The following ACTN4 variants were observed in gnomAD, a reference collection of about 807,000 sequenced individuals.
ACTN4 encodes alpha-actinin-4.
A neutral mutation model predicts 114.2 loss-of-function variants in ACTN4; 18 were observed. That is an observed-to-expected ratio of 0.16 (90% CI 0.11 to 0.23). ACTN4 has a LOEUF of 0.23. Ranked by LOEUF, ACTN4 falls within the 10% of genes least tolerant of loss-of-function variation. The pLI, the probability that ACTN4 is intolerant of heterozygous loss-of-function variation, is 1.00. For missense variants in ACTN4, 722 were observed against 1,262.9 expected (o/e 0.57, Z 6.49); for synonymous variants, 515 against 506.3 (o/e 1.02, Z -0.23).
In ACTN4 at chr19:38,730,289, A is replaced by AGAC. The variant is rs1335929787; in HGVS notation, c.*858_*860dup. 1 of 162,570 alleles carries AGAC rather than the reference A, an allele frequency of 6.2e-6. No individual in the cohort carries two copies. The highest frequency in any genetic ancestry group is 1.8e-4 in the East Asian group (1 of 5,460). 10.1% of individuals were successfully genotyped at this position (162,570 alleles called of 1,614,324 possible). On this transcript the variant is annotated 3_prime_UTR_variant, in exon 21 of 21. Coordinates refer to ENST00000252699, the MANE Select transcript of ACTN4 (RefSeq NM_004924.6). Reference sequence around the variant, plus strand: ...GCCGTCTCTCCTGCTCTCATAATGAAGACATAGCCGATTCTCTGCCCGGGC... The same window carrying AGAC: ...GCCGTCTCTCCTGCTCTCATAATGAAGACGACATAGCCGATTCTCTGCCCGGGC...
At chr19:38,657,289 C>T (rs764383856) in intron 1 of ACTN4, among the ~76,000 whole-genome samples, 17 of 152,014 alleles carry the variant, frequency 1.1e-4, no homozygotes, top group Admixed American at 3.9e-4. Context: ...ATTACAGGCG[C>T]GCGCCACGAC....
intron 17 of ACTN4, 131 bp from the exon 18 acceptor site, chr19:38,726,826 C>A: frequency 1.5e-6 from 2 of 1,351,508 alleles, no homozygotes; most frequent in Non-Finnish European, 2.0e-6. Flanking sequence ...GGCCCGTGTC[C>A]CCTGTGAGGT....
chr19:38,705,911 T>C (rs1968444563), intron 4 of ACTN4, 133 bp from the exon 5 acceptor site: 2 of 834,666 alleles, frequency 2.4e-6, no homozygotes, highest in East Asian at 2.5e-5. Context: ...ACTGCTGCTG[T>C]TGTTAGGACA....
chr19:38,648,020 C>T (rs372441621), intron 1 of ACTN4, 113 bp downstream of exon 1: 2 of 1,250,726 alleles, frequency 1.6e-6, no homozygotes, highest in Non-Finnish European at 2.1e-6. Flanking sequence ...GGGGGGGTCC[C>T]GAGAAGGAAT....
At position 38,720,229 on chromosome 19, in the gene ACTN4, G is replaced by A. The variant is rs1340509586; in HGVS notation, c.1292-1309G>A. Among the ~76,000 whole-genome samples the A allele has an allele frequency of 2.6e-5, 4 of 152,232 alleles. No individual in the cohort carries two copies. In the East Asian group the frequency reaches 7.7e-4, roughly 29 times the overall value. On this transcript the variant is annotated intron_variant, in intron 11 of 20. Coordinates refer to ENST00000252699, the MANE Select transcript of ACTN4 (RefSeq NM_004924.6). ...AGGGTCGTCGTGGATGCTTCTCTGAGGGACTTGATTTCCTGGGAATACGAC... is the reference window on the plus strand; with the variant it reads ...AGGGTCGTCGTGGATGCTTCTCTGAAGGACTTGATTTCCTGGGAATACGAC...
chr19:38,680,212 GTTTTTTTT>G (rs75920199), intron 1 of ACTN4, among the ~76,000 whole-genome samples: 439 of 124,296 alleles, frequency 3.5e-3, no homozygotes, highest in Non-Finnish European at 6.0e-3. Flanking sequence ...AGCTCAGGAA[GTTTTTTTT>G]TTTTTTTTTT....
rs537081617 is a variant in ACTN4, at chr19:38,729,624, G to A, written c.*192G>A. ...TGTGGGTTGGCCAGGAGGTTCCCCCGACCAGGTTGGGGAGACTTGGGGCCA... is the reference window on the plus strand; with the variant it reads ...TGTGGGTTGGCCAGGAGGTTCCCCCAACCAGGTTGGGGAGACTTGGGGCCA... On this transcript the variant is annotated 3_prime_UTR_variant, in exon 21 of 21. Transcript: ENST00000252699. 2.9e-5 allele frequency: 24 copies of A among 836,426 alleles called. No individual in the cohort carries two copies. In the Middle Eastern group the frequency reaches 8.2e-4, roughly 29 times the overall value. The allele number at this position is 836,426 out of a possible 1,614,324, so 51.8% of individuals were successfully genotyped here.
chr19:38,685,659 A>G lies in ACTN4; in HGVS notation c.163-14941A>G, dbSNP rs146861953. ...AGTAGGAAGCCCGCAGGGACCGAGTATGCATGAAACAAGCCCAAGTCTGTG... is the reference window on the plus strand; with the variant it reads ...AGTAGGAAGCCCGCAGGGACCGAGTGTGCATGAAACAAGCCCAAGTCTGTG... On this transcript the variant is annotated intron_variant, in intron 1 of 20. Transcript: ENST00000252699. Among the ~76,000 whole-genome samples, 637 of 152,264 alleles carry G rather than the reference A, an allele frequency of 4.2e-3. 4 individuals carry two copies. Among genetic ancestry groups the G allele is most frequent in the Non-Finnish European group, 6.8e-3 (463 of 68,010 alleles).
At position 38,647,836 on chromosome 19, in the gene ACTN4, T is replaced by C; in HGVS notation, c.91T>C (p.Tyr31His). The C allele has an allele frequency of 6.4e-7, 1 of 1,551,234 alleles. No homozygotes were observed. Among genetic ancestry groups the C allele is most frequent in the Non-Finnish European group, 8.7e-7 (1 of 1,149,630 alleles). ...TGGCGGCGGGGGCAGCATGGGCGAC[T>C]ACATGGCCCAGGAGGACGACTGGGA... is the stretch of plus-strand genomic sequence containing the variant. ...GAGGGGSMGD[Y>H]MAQEDDWDRD... The change falls in exon 1 of 21, where the codon TAC (tyrosine) becomes CAC (histidine). Residue 31 changes from tyrosine (Y) to histidine (H), a missense_variant. Around this residue, in one of 3 missense-constraint regions of ACTN4, gnomAD observed 72 missense variants for 75.6 expected, o/e 0.95. Transcript: ENST00000252699.
intron 4 of ACTN4, among the ~76,000 whole-genome samples, chr19:38,705,496 C>G (rs1273011309): frequency 1.3e-5 from 2 of 152,228 alleles, no homozygotes; most frequent in Non-Finnish European, 2.9e-5. Context: ...GCAGAGCCAC[C>G]TGGGCTAGCG....
intron 1 of ACTN4, among the ~76,000 whole-genome samples, chr19:38,651,315 C>T (rs1976555362): frequency 6.6e-6 from 1 of 152,126 alleles, no homozygotes; most frequent in Non-Finnish European, 1.5e-5. Flanking sequence ...CCCCTGTAAC[C>T]CGTAAGTAGG....
At chr19:38,721,507 T>C in intron 11 of ACTN4, 31 bp from the exon 12 acceptor site, 1 of 1,613,122 alleles carries the variant, frequency 6.2e-7, no homozygotes, top group Non-Finnish European at 8.5e-7. Flanking sequence ...GCTGCCGTGC[T>C]GTGGTCTAAG....
intron 1 of ACTN4, among the ~76,000 whole-genome samples, chr19:38,663,018 T>G (rs1976935568): frequency 1.3e-5 from 2 of 152,116 alleles, no homozygotes; most frequent in Admixed American, 6.5e-5. Flanking sequence ...CAAGTGATTC[T>G]TCTGCTTCAG....
At position 38,718,074 on chromosome 19, in the gene ACTN4, G is replaced by A. The variant is rs747039049; in HGVS notation, c.1291G>A (p.Gly431Arg). Reference sequence around the variant, plus strand: ...CTCCATCCACGAGGCCTGGACTGACGGTACGGCCCAGCTCTGCCCCACTCT... The same window carrying A: ...CTCCATCCACGAGGCCTGGACTGACAGTACGGCCCAGCTCTGCCCCACTCT... ...KASIHEAWTD[G>R]KEAMLKHRDY... The change falls in exon 11 of 21, where the codon GGG (glycine) becomes AGG (arginine). Residue 431 changes from glycine (G) to arginine (R), a missense_variant and splice_region_variant. By Grantham distance (125) the Gly-to-Arg change is moderately radical (BLOSUM62 -2). This residue lies in a region of ACTN4 where 523 missense variants were observed against 875.9 expected (regional missense o/e 0.60). Transcript: ENST00000252699. 3 of 1,607,170 alleles carry A rather than the reference G, an allele frequency of 1.9e-6. No individual in the cohort carries two copies. Among genetic ancestry groups the A allele is most frequent in the Non-Finnish European group, 1.7e-6 (2 of 1,176,840 alleles).
At chr19:38,666,787 C>T (rs1464961319) in intron 1 of ACTN4, among the ~76,000 whole-genome samples, 1 of 152,212 alleles carries the variant, frequency 6.6e-6, no homozygotes. Context: ...GGCTAATCAA[C>T]CCTCTCTAAG....
chr19:38,699,252 C>T (rs954553025), intron 1 of ACTN4, among the ~76,000 whole-genome samples: 3 of 152,212 alleles, frequency 2.0e-5, no homozygotes, highest in African/African-American at 7.2e-5. Context: ...CACCAGGAGG[C>T]TGCGTGCCCT....
rs747925584 is a variant in ACTN4 at position 38,729,312 on chromosome 19, C to T, written c.2616C>T (p.Pro872=). The T allele has an allele frequency of 9.9e-6, 16 of 1,612,892 alleles. No individual in the cohort carries two copies. In the Admixed American group the frequency reaches 1.3e-4, roughly 13 times the overall value. The change falls in exon 21 of 21, where the codon CCC becomes CCT. Residue 872 remains proline (P), a synonymous_variant. Coordinates refer to ENST00000252699, the MANE Select transcript of ACTN4 (RefSeq NM_004924.6). The stretch of plus-strand genomic sequence containing the variant: ...CTGAGGAGCTGCGGAGAGAGCTGCC[C>T]CCCGACCAGGCCGAGTACTGCATCG... ...ITAEELRREL[P]PDQAEYCIAR... is the part of the protein sequence containing the mutation.
intron 8 of ACTN4, among the ~76,000 whole-genome samples, chr19:38,713,948 G>T (rs1263769699): frequency 6.6e-6 from 1 of 152,180 alleles, no homozygotes; most frequent in Admixed American, 6.5e-5. Flanking sequence ...CCCACGGATG[G>T]TGACTTCTGT....
At chr19:38,699,316 A>T (rs374357966) in intron 1 of ACTN4, among the ~76,000 whole-genome samples, 1 of 152,192 alleles carries the variant, frequency 6.6e-6, no homozygotes, top group East Asian at 1.9e-4. Context: ...AGGGTCAGGG[A>T]CTTCGGCTTC....
Sources: allele counts gnomAD v4.1 joint callset (sites outside exome capture counted in the v4.1 genomes callset), GRCh38; gene constraint gnomAD v4.1.1; regional missense constraint gnomAD v4.1.1; transcripts MANE v1.5; gene names NCBI Gene and HGNC (gene_info 2026-07-23, HGNC 2026-07-21).